The following TIAM1 variants were observed in gnomAD, a reference collection of about 807,000 sequenced individuals.
The protein encoded by TIAM1 is rho guanine nucleotide exchange factor TIAM1.
Under a neutral mutation model 163.5 loss-of-function variants are expected in TIAM1, and 65 were observed. The ratio of observed to expected loss-of-function variants is 0.40; its 90% confidence interval spans 0.33 to 0.49. The LOEUF is 0.49. Ranked by LOEUF, TIAM1 falls within the 20% of genes least tolerant of loss-of-function variation. The pLI is 0.77. For synonymous variants in TIAM1, 833 were observed against 810.1 expected (o/e 1.03, Z -0.48); for missense variants, 1,789 against 2,044.7 (o/e 0.87, Z 2.41).
Position 31,136,440 on chromosome 21 carries a change from A to G in TIAM1, c.3775-399T>C, listed in dbSNP as rs192015714. 3.4e-3 allele frequency among the ~76,000 whole-genome samples: 519 copies of G among 152,326 alleles called. 4 individuals carry two copies. Among genetic ancestry groups the G allele is most frequent in the African/African-American group, 0.012 (492 of 41,568 alleles). The stretch of plus-strand genomic sequence containing the variant: ...CTTTCCAATGGGAAATAATAGTATC[A>G]TTATGTTCTAGCCAAGTTTGAGCTA... On this transcript the variant is annotated intron_variant, in intron 22 of 27. Transcript: ENST00000541036.
At chr21:31,210,947 CAT>C (rs1491151690) in intron 10 of TIAM1, among the ~76,000 whole-genome samples, 3 of 144,932 alleles carry the variant, frequency 2.1e-5, no homozygotes, top group African/African-American at 8.7e-5. Context: ...AAGCCCCAAT[CAT>C]TTTTTTTTTT....
intron 1 of TIAM1, among the ~76,000 whole-genome samples, chr21:31,464,379 C>T (rs562505321): frequency 6.8e-4 from 104 of 152,216 alleles, no homozygotes; most frequent in African/African-American, 2.3e-3. Context: ...ATGAGTAATA[C>T]GTTTTTATTC....
chr21:31,275,261 C>A (rs1361869221), intron 3 of TIAM1, among the ~76,000 whole-genome samples: 1 of 151,814 alleles, frequency 6.6e-6, no homozygotes, highest in Non-Finnish European at 1.5e-5. Flanking sequence ...ACAATTATAC[C>A]TTTTTTTGGT....
chr21:31,353,395 G>GC (rs1257294564), intron 2 of TIAM1, among the ~76,000 whole-genome samples: 1 of 152,116 alleles, frequency 6.6e-6, no homozygotes, highest in African/African-American at 2.4e-5. Flanking sequence ...CCAGTCACAG[G>GC]CCTATCCCTT....
chr21:31,198,488 G>A (rs2086003552), intron 12 of TIAM1, among the ~76,000 whole-genome samples: 1 of 152,116 alleles, frequency 6.6e-6, no homozygotes, highest in Admixed American at 6.5e-5. Context: ...CAAATGAGAA[G>A]AAATCAGTTA....
chr21:31,482,282 G>A (rs916877423), intron 1 of TIAM1, among the ~76,000 whole-genome samples: 12 of 151,952 alleles, frequency 7.9e-5, no homozygotes, highest in Admixed American at 4.6e-4. Context: ...CTCCCGAGTA[G>A]CTGGGATTAC....
chr21:31,315,315 C>A (rs1461741902), intron 2 of TIAM1, among the ~76,000 whole-genome samples: 6 of 151,914 alleles, frequency 3.9e-5, no homozygotes, highest in Admixed American at 2.0e-4. Context: ...GAGATCGAGA[C>A]CATCCTGGCT....
Position 31,146,990 on chromosome 21 carries a change from G to T in TIAM1, c.3380C>A (p.Ser1127Tyr). ...ATAATACAGGAATGATCCCCCCAGA[G>T]AGAACAGCACTTTCTGGATTTGACG... ...KVDQFKKVLF[S>Y]LGGSFLYYAD... The change falls in exon 20 of 28, where the codon TCT becomes TAT. Residue 1127 changes from serine (S) to tyrosine (Y), a missense_variant. By Grantham distance (144) the Ser-to-Tyr change is moderately radical (BLOSUM62 -2). This residue lies in a region of TIAM1 where 303 missense variants were observed against 321.3 expected (regional missense o/e 0.94). Transcript: ENST00000541036. 6.2e-7 allele frequency: 1 copy of T among 1,613,748 alleles called. No homozygotes were observed. Among genetic ancestry groups the T allele is most frequent in the Non-Finnish European group, 8.5e-7 (1 of 1,179,698 alleles).
chr21:31,241,403 T>C (rs773487202), intron 6 of TIAM1, among the ~76,000 whole-genome samples: 7 of 152,172 alleles, frequency 4.6e-5, no homozygotes, highest in Non-Finnish European at 1.0e-4. Flanking sequence ...ACTTGCAAAC[T>C]TCTGTTCTTA....
At position 31,237,943 on chromosome 21, in the gene TIAM1, CTTAAA is replaced by C. The variant is rs1285710524; in HGVS notation, c.1584+7540_1584+7544del. 1.4e-4 allele frequency among the ~76,000 whole-genome samples: 21 copies of C among 152,192 alleles called. 1 individual carries two copies. Among genetic ancestry groups the C allele is most frequent in the Non-Finnish European group, 1.5e-5 (1 of 68,034 alleles). On this transcript the variant is annotated intron_variant, in intron 6 of 27. Coordinates refer to ENST00000541036, the MANE Select transcript of TIAM1 (RefSeq NM_001353694.2). Reference sequence around the variant, plus strand: ...TCTGGCTTCAAGTTGAAGGAAAGAACTTAAATTAAAATAGTGCAGACAGCATAGCA... The same window carrying C: ...TCTGGCTTCAAGTTGAAGGAAAGAACTTAAAATAGTGCAGACAGCATAGCA...
intron 2 of TIAM1, among the ~76,000 whole-genome samples, chr21:31,362,842 T>C (rs1369977314): frequency 2.0e-5 from 3 of 152,126 alleles, no homozygotes; most frequent in East Asian, 1.9e-4. Flanking sequence ...TTACTTACAC[T>C]GTAAGGGGGT....
intron 1 of TIAM1, among the ~76,000 whole-genome samples, chr21:31,465,799 T>C (rs1223009679): frequency 1.3e-5 from 2 of 152,196 alleles, no homozygotes; most frequent in Non-Finnish European, 1.5e-5. Context: ...CTCAATCTCC[T>C]GACCTCATGA....
chr21:31,522,262 T>C (rs1270718774), intron 1 of TIAM1, among the ~76,000 whole-genome samples: 2 of 151,610 alleles, frequency 1.3e-5, no homozygotes, highest in Non-Finnish European at 2.9e-5. Context: ...ATTCCAACAC[T>C]TTGGGAGGCC....
chr21:31,208,189 G>A lies in TIAM1; in HGVS notation c.2388+1856C>T, dbSNP rs140297865. On this transcript the variant is annotated intron_variant, in intron 11 of 27. Transcript: ENST00000541036. ...AAAGCTTGAAACATACGTAAAGTGG[G>A]CCAATCATTCATTGCTTCACTCACT... is the stretch of plus-strand genomic sequence containing the variant. Among the ~76,000 whole-genome samples, 9 of 152,260 alleles carry A rather than the reference G, an allele frequency of 5.9e-5. 1 individual carries two copies. The East Asian group carries it at 1.7e-3, about 29-fold the overall frequency.
At chr21:31,134,337 CAAG>C (rs1255616379) in intron 23 of TIAM1, among the ~76,000 whole-genome samples, 2 of 152,156 alleles carry the variant, frequency 1.3e-5, no homozygotes, top group African/African-American at 4.8e-5. Flanking sequence ...CAGACTCCTC[CAAG>C]AAGAAATCAC....
At chr21:31,442,068 T>A (rs7281223) in intron 2 of TIAM1, among the ~76,000 whole-genome samples, 4,215 of 87,358 alleles carry the variant, frequency 0.048, 549 homozygotes, top group African/African-American at 0.18. Context: ...AACAAATAAA[T>A]AAATATATAT....
intron 2 of TIAM1, among the ~76,000 whole-genome samples, chr21:31,285,964 G>C (rs2073793630): frequency 6.6e-6 from 1 of 152,122 alleles, no homozygotes; most frequent in South Asian, 2.1e-4. Context: ...AAGTGGAGAG[G>C]AAGAAAGAGA....
intron 2 of TIAM1, among the ~76,000 whole-genome samples, chr21:31,462,438 A>G (rs2045360640): frequency 6.6e-6 from 1 of 152,226 alleles, no homozygotes; most frequent in Non-Finnish European, 1.5e-5. Flanking sequence ...TCCACCAGGC[A>G]TAGCCGATTA....
At chr21:31,429,896 C>T (rs1168566515) in intron 2 of TIAM1, among the ~76,000 whole-genome samples, 2 of 152,148 alleles carry the variant, frequency 1.3e-5, no homozygotes, top group African/African-American at 4.8e-5. Context: ...CTTCCACAGA[C>T]TTCTTTCAGC....
Sources: gnomAD v4.1 joint callset for allele counts (sites outside exome capture counted in the v4.1 genomes callset) on GRCh38, gnomAD v4.1.1 for gene constraint, gnomAD v4.1.1 regional missense constraint, MANE v1.5 for transcripts, NCBI Gene and HGNC (gene_info 2026-07-23, HGNC 2026-07-21) for gene names.